Variants in AGMO observed in about 807,000 individuals in gnomAD.
AGMO encodes the protein alkylglycerol monooxygenase.
In AGMO, 75 loss-of-function variants were observed where a neutral mutation model predicts 60.2. The ratio of observed to expected loss-of-function variants is 1.25; its 90% confidence interval spans 1.03 to 1.51. The LOEUF (loss-of-function observed/expected upper bound fraction) is 1.51, where lower values mean the gene tolerates loss of function less well. Among genes scored for constraint, AGMO ranks in the 40% most tolerant of loss-of-function variants. The pLI, the probability that AGMO is intolerant of heterozygous loss-of-function variation, is 0.00. For missense variants in AGMO, 763 were observed against 525.5 expected (o/e 1.45, Z -4.42); for synonymous variants, 261 against 177.1 (o/e 1.47, Z -3.76).
chr7:15,118,495 G>A, the AGMO span, among the ~76,000 whole-genome samples: 6 of 151,962 alleles, frequency 3.9e-5, no homozygotes, highest in Non-Finnish European at 5.9e-5. Flanking sequence ...AGCTCACTTG[G>A]TCTATCACAG....
intron 10 of AGMO, among the ~76,000 whole-genome samples, chr7:15,373,375 T>G (rs1242392751): frequency 1.3e-5 from 2 of 152,142 alleles, no homozygotes; most frequent in African/African-American, 4.8e-5. Context: ...TGCAGAACCC[T>G]ATCTACTCCA....
At chr7:15,177,833 G>A in the AGMO span, among the ~76,000 whole-genome samples, 1 of 151,900 alleles carries the variant, frequency 6.6e-6, no homozygotes, top group South Asian at 2.1e-4. Flanking sequence ...TTTCTATTGG[G>A]GGATTGTTAA....
Position 15,526,418 on chromosome 7 carries a change from G to A in AGMO, c.409+18354C>T, listed in dbSNP as rs1426498227. Among the ~76,000 whole-genome samples the A allele has an allele frequency of 2.0e-5, 3 of 152,128 alleles. No individual in the cohort carries two copies. In the East Asian group the frequency reaches 5.8e-4, roughly 29 times the overall value. ...TCTTTAACAAATCGGAAAGTAAAGA[G>A]TCTCTTAAATTACCTATAACCTGCA... On this transcript the variant is annotated intron_variant, in intron 3 of 12. Coordinates refer to ENST00000342526, the MANE Select transcript of AGMO (RefSeq NM_001004320.2).
intron 12 of AGMO, among the ~76,000 whole-genome samples, chr7:15,312,239 T>TA (rs1409704540): frequency 2.0e-5 from 3 of 152,060 alleles, no homozygotes; most frequent in African/African-American, 7.2e-5. Flanking sequence ...CTAGGACTGA[T>TA]ATAAAAATAC....
chr7:15,458,159 T>C (rs1249354247), intron 3 of AGMO, among the ~76,000 whole-genome samples: 2 of 152,178 alleles, frequency 1.3e-5, no homozygotes, highest in African/African-American at 2.4e-5. Context: ...CAAATACAAC[T>C]ACAGCCCAAA....
At chr7:15,483,573 A>T (rs1296457812) in intron 3 of AGMO, among the ~76,000 whole-genome samples, 3 of 123,466 alleles carry the variant, frequency 2.4e-5, no homozygotes, top group Non-Finnish European at 4.6e-5. Flanking sequence ...CTGTCTCAAA[A>T]CAAACAAACA....
chr7:15,275,412 T>G (rs1226557742), intron 12 of AGMO, among the ~76,000 whole-genome samples: 1 of 152,174 alleles, frequency 6.6e-6, no homozygotes. Context: ...ACATTTGATA[T>G]AATTTCAGTT....
chr7:15,205,063 G>A (rs1423343112), intron 12 of AGMO, among the ~76,000 whole-genome samples: 1 of 152,128 alleles, frequency 6.6e-6, no homozygotes, highest in Admixed American at 6.5e-5. Flanking sequence ...AATCTTAAAG[G>A]AGAGAGAATA....
chr7:15,265,372 C>T (rs1190859294), intron 12 of AGMO, among the ~76,000 whole-genome samples: 1 of 151,834 alleles, frequency 6.6e-6, no homozygotes, highest in South Asian at 2.1e-4. Context: ...TCGCTCAGAC[C>T]CCAAGCCTCA....
the AGMO span, among the ~76,000 whole-genome samples, chr7:15,181,504 C>T: frequency 9.9e-5 from 15 of 152,124 alleles, no homozygotes; most frequent in Non-Finnish European, 1.8e-4. Flanking sequence ...TCTTTCTAAT[C>T]ATTTCCCTCT....
chr7:15,404,187 G>T (rs1030898741), intron 5 of AGMO, among the ~76,000 whole-genome samples: 1 of 151,860 alleles, frequency 6.6e-6, no homozygotes, highest in Admixed American at 6.6e-5. Context: ...AGAGTTAAAG[G>T]CTTAGTTTTA....
At chr7:15,240,635 G>A (rs1175462368) in intron 12 of AGMO, among the ~76,000 whole-genome samples, 1 of 152,018 alleles carries the variant, frequency 6.6e-6, no homozygotes, top group Non-Finnish European at 1.5e-5. Flanking sequence ...TACTTATTTT[G>A]ATAACTTTTA....
chr7:15,318,880 C>G (rs1481038809), intron 12 of AGMO, among the ~76,000 whole-genome samples: 1 of 152,124 alleles, frequency 6.6e-6, no homozygotes, highest in East Asian at 1.9e-4. Flanking sequence ...ATCCTCTCTA[C>G]TGCCTTGCTA....
chr7:15,537,815 G>T (rs1049815943), intron 3 of AGMO, among the ~76,000 whole-genome samples: 5 of 151,916 alleles, frequency 3.3e-5, no homozygotes, highest in Non-Finnish European at 5.9e-5. Context: ...CTTTCAAAAT[G>T]ACTACAGTTG....
At chr7:15,536,601 T>C (rs928832587) in intron 3 of AGMO, among the ~76,000 whole-genome samples, 1 of 151,928 alleles carries the variant, frequency 6.6e-6, no homozygotes, top group Admixed American at 6.6e-5. Flanking sequence ...TCAGTGACCA[T>C]ACCTGTTATT....
At chr7:15,484,785 T>A (rs912634297) in intron 3 of AGMO, among the ~76,000 whole-genome samples, 3 of 152,068 alleles carry the variant, frequency 2.0e-5, no homozygotes, top group Admixed American at 2.0e-4. Flanking sequence ...TAAAATTATA[T>A]GAGAAACAAC....
In AGMO at chr7:15,368,478, T is replaced by A. The variant is rs530563319; in HGVS notation, c.1075-2256A>T. ...CAAATGCTCTTTAAGAACACAGAAT[T>A]TGTTTTTCAAACCTATCACCCATGT... On this transcript the variant is annotated intron_variant, in intron 10 of 12. Coordinates refer to ENST00000342526, the MANE Select transcript of AGMO (RefSeq NM_001004320.2). Among the ~76,000 whole-genome samples, 20 of 152,236 alleles carry A rather than the reference T, an allele frequency of 1.3e-4. No individual in the cohort carries two copies. The Middle Eastern group carries it at 0.014, about 104-fold the overall frequency.
chr7:15,529,324 G>C (rs1583649928), intron 3 of AGMO, among the ~76,000 whole-genome samples: 1 of 150,784 alleles, frequency 6.6e-6, no homozygotes, highest in East Asian at 2.0e-4. Context: ...TACTGTTAAT[G>C]TAACTTCAAA....
Position 15,425,739 on chromosome 7 carries a change from C to T in AGMO, c.513+5266G>A, listed in dbSNP as rs184783785. 5.0e-3 allele frequency among the ~76,000 whole-genome samples: 767 copies of T among 152,162 alleles called. 6 individuals carry two copies. Among genetic ancestry groups the T allele is most frequent in the African/African-American group, 0.018 (727 of 41,516 alleles). On this transcript the variant is annotated intron_variant, in intron 4 of 12. Coordinates refer to ENST00000342526, the MANE Select transcript of AGMO (RefSeq NM_001004320.2). ...ACAGGCATGAGCCATCACACCCAGC[C>T]CAATTGTATTTATTTTTTCTGATGG...
Sources: gnomAD v4.1 joint callset for allele counts (sites outside exome capture counted in the v4.1 genomes callset) on GRCh38, gnomAD v4.1.1 for gene constraint, MANE v1.5 for transcripts, NCBI Gene and HGNC (gene_info 2026-07-23, HGNC 2026-07-21) for gene names.